The following GDF10 variants were observed in gnomAD, a reference collection of about 807,000 sequenced individuals.
GDF10 encodes the protein growth/differentiation factor 10.
In GDF10, 23 loss-of-function variants were observed where a neutral mutation model predicts 32.1. The observed-to-expected ratio is 0.72, with a 90% CI of 0.52 to 1.02. GDF10 has a LOEUF of 1.02. Ranked by LOEUF, GDF10 falls within the 50% of genes least tolerant of loss-of-function variation. The pLI, the probability that GDF10 is intolerant of heterozygous loss-of-function variation, is 0.00. For synonymous variants in GDF10, 328 were observed against 303.1 expected (o/e 1.08, Z -0.85); for missense variants, 764 against 673.9 (o/e 1.13, Z -1.48).
chr10:47,308,836 G>A (rs1292502276), intron 1 of GDF10, among the ~76,000 whole-genome samples: 2 of 152,170 alleles, frequency 1.3e-5, no homozygotes, highest in African/African-American at 4.8e-5. Context: ...AGCGGACTTG[G>A]CCATTTGAGA....
chr10:47,303,690 G>C (rs1192110370), intron 1 of GDF10, among the ~76,000 whole-genome samples: 1 of 152,092 alleles, frequency 6.6e-6, no homozygotes, highest in African/African-American at 2.4e-5. Flanking sequence ...CTATGAACCT[G>C]ACCCTAAGGG....
In GDF10 at chr10:47,310,358, C is replaced by A; in HGVS notation, c.882C>A (p.Ala294=). 1 of 1,606,872 alleles carries A rather than the reference C, an allele frequency of 6.2e-7. No homozygotes were observed. Among genetic ancestry groups the A allele is most frequent in the South Asian group, 1.1e-5 (1 of 90,448 alleles). ...ADPRVRRAAQ[A]TGPLQDNELP... Reference sequence around the variant, plus strand: ...CCCGCGTGCGCCGAGCCGCGCAGGCCACTGGGCCCCTCCAGGACAACGAGC... The same window carrying A: ...CCCGCGTGCGCCGAGCCGCGCAGGCAACTGGGCCCCTCCAGGACAACGAGC... Residue 294 remains alanine, a synonymous_variant, in exon 2 of 3, where the codon GCC becomes GCA. Coordinates refer to ENST00000580279, the MANE Select transcript of GDF10 (RefSeq NM_004962.5).
Position 47,300,223 on chromosome 10 carries a change from C to T in GDF10, c.-429C>T, listed in dbSNP as rs1193132875. ...CACACGGGCGCACGCACACGGCAGCCGGGCCAGGGACGACCCTGTCAGCTG... is the reference window on the plus strand; with the variant it reads ...CACACGGGCGCACGCACACGGCAGCTGGGCCAGGGACGACCCTGTCAGCTG... On this transcript the variant is annotated 5_prime_UTR_variant, in exon 1 of 3. Transcript: ENST00000580279. Among the ~76,000 whole-genome samples, 26 of 151,740 alleles carry T rather than the reference C, an allele frequency of 1.7e-4. 1 individual carries two copies. In the East Asian group the frequency reaches 4.5e-3, roughly 26 times the overall value.
chr10:47,300,914 G>T lies in GDF10; in HGVS notation c.263G>T (p.Arg88Leu), dbSNP rs782679712. 2 of 1,556,686 alleles carry T rather than the reference G, an allele frequency of 1.3e-6. No homozygotes were observed. The highest frequency in any genetic ancestry group is 1.4e-5 in the African/African-American group (1 of 71,570). ...HMHRLYEKYS[R>L]QGARPGGGNT... is the part of the protein sequence containing the mutation. Reference sequence around the variant, plus strand: ...CACAGGCTCTATGAGAAGTACAGCCGGCAGGGCGCGCGGCCGGGAGGGGGC... The same window carrying T: ...CACAGGCTCTATGAGAAGTACAGCCTGCAGGGCGCGCGGCCGGGAGGGGGC... The change falls in exon 1 of 3, where the codon CGG becomes CTG. Residue 88 changes from arginine to leucine, a missense_variant. Coordinates refer to ENST00000580279, the MANE Select transcript of GDF10 (RefSeq NM_004962.5).
At position 47,310,440 on chromosome 10, in the gene GDF10, C is replaced by G; in HGVS notation, c.964C>G (p.Gln322Glu). The change falls in exon 2 of 3, where the codon CAG (glutamine) becomes GAG (glutamate). Residue 322 changes from glutamine (Q) to glutamate (E), a missense_variant. By Grantham distance (29) the Gln-to-Glu change is conservative (BLOSUM62 2). Transcript: ENST00000580279. Reference protein sequence around the residue: ...RAHAQHFHKHQLWPSPFRALK... With the variant: ...RAHAQHFHKHELWPSPFRALK... ...CCACGCACAGCACTTCCACAAGCAC[C>G]AGCTGTGGCCCAGCCCCTTCCGGGC... 6.2e-7 allele frequency: 1 copy of G among 1,613,270 alleles called. No individual in the cohort carries two copies. Among genetic ancestry groups the G allele is most frequent in the South Asian group, 1.1e-5 (1 of 91,048 alleles).
rs782454884 is a variant in GDF10, at chr10:47,300,761, C to A, written c.110C>A (p.Ala37Asp). The A allele has an allele frequency of 1.3e-6, 2 of 1,569,124 alleles. No individual in the cohort carries two copies. The highest frequency in any genetic ancestry group is 2.3e-5 in the South Asian group (2 of 87,638). ...CGGGATGTGGCCGGCAGCCACAGGG[C>A]CCCCGCCTGGTCCGCACTGCCCGCG... is the stretch of plus-strand genomic sequence containing the variant. Reference protein sequence around the residue: ...LLRDVAGSHRAPAWSALPAAA... With the variant: ...LLRDVAGSHRDPAWSALPAAA... Residue 37 changes from alanine to aspartate, a missense_variant, in exon 1 of 3, where the codon GCC (alanine) becomes GAC (aspartate). Transcript: ENST00000580279.
Position 47,308,476 on chromosome 10 carries a change from A to G in GDF10, c.320-1320A>G, listed in dbSNP as rs561253483. ...TGTTTCTTCCCGCTCATAGTCCCTT[A>G]AGAGTATGTGAACAATCCCAGTTGA... On this transcript the variant is annotated intron_variant, in intron 1 of 2. Coordinates refer to ENST00000580279, the MANE Select transcript of GDF10 (RefSeq NM_004962.5). 3.3e-5 allele frequency among the ~76,000 whole-genome samples: 5 copies of G among 152,248 alleles called. No homozygotes were observed. In the East Asian group the frequency reaches 9.7e-4, roughly 29 times the overall value.
intron 1 of GDF10, among the ~76,000 whole-genome samples, chr10:47,301,930 C>T (rs1185314296): frequency 3.3e-5 from 5 of 152,102 alleles, no homozygotes; most frequent in African/African-American, 9.7e-5. Flanking sequence ...AGCCTGGGGT[C>T]AGATCTGTCA....
In GDF10 at chr10:47,300,806, G is replaced by A. The variant is rs1191897083; in HGVS notation, c.155G>A (p.Gly52Glu). The A allele has an allele frequency of 2.5e-6, 4 of 1,569,790 alleles. No homozygotes were observed. Among genetic ancestry groups the A allele is most frequent in the Non-Finnish European group, 3.4e-6 (4 of 1,163,982 alleles). Residue 52 changes from glycine to glutamate, a missense_variant, in exon 1 of 3, where the codon GGG becomes GAG. Physicochemically the swap from Gly to Glu is moderately conservative, Grantham distance 98. Transcript: ENST00000580279. ...ALPAAADGLQ[G>E]DRDLQRHPGD... is the part of the protein sequence containing the mutation. ...CCCGCGGCCGCCGACGGCCTGCAGG[G>A]GGACAGGGATCTCCAGCGGCACCCT... is the stretch of plus-strand genomic sequence containing the variant.
At chr10:47,301,270 C>T (rs1211361276) in intron 1 of GDF10, among the ~76,000 whole-genome samples, 3 of 152,184 alleles carry the variant, frequency 2.0e-5, no homozygotes, top group African/African-American at 7.2e-5. Flanking sequence ...GGGACATAGG[C>T]CAGGGGAGTA....
At position 47,312,845 on chromosome 10, in the gene GDF10, C is replaced by G. The variant is rs1023148744; in HGVS notation, c.*53C>G. 7 of 1,214,562 alleles carry G rather than the reference C, an allele frequency of 5.8e-6. No homozygotes were observed. Among genetic ancestry groups the G allele is most frequent in the African/African-American group, 3.1e-5 (2 of 64,972 alleles). The allele number at this position is 1,214,562 out of a possible 1,614,324, so 75.2% of individuals were successfully genotyped here. ...GCCCAGCAGAGCTGCCTTCTCGGAG[C>G]CTTCTGCAACCAGGACTTGTGGTGC... On this transcript the variant is annotated 3_prime_UTR_variant, in exon 3 of 3. Transcript: ENST00000580279.
chr10:47,300,717 G>A lies in GDF10; in HGVS notation c.66G>A (p.Pro22=). Residue 22 remains proline, a synonymous_variant, in exon 1 of 3, where the codon CCG becomes CCA. Transcript: ENST00000580279. ...PGPQLLLLLL[P]LFLLLLRDVA... ...CCCAGCTGCTGCTGCTGCTGCTGCCGTTGTTTCTGCTGTTGCTCCGGGATG... is the reference window on the plus strand; with the variant it reads ...CCCAGCTGCTGCTGCTGCTGCTGCCATTGTTTCTGCTGTTGCTCCGGGATG... The A allele has an allele frequency of 6.3e-7, 1 of 1,590,760 alleles. No individual in the cohort carries two copies.
chr10:47,300,504 C>T lies in GDF10; in HGVS notation c.-148C>T, dbSNP rs879967051. 29 of 670,262 alleles carry T rather than the reference C, an allele frequency of 4.3e-5. No homozygotes were observed. The highest frequency in any genetic ancestry group is 5.9e-5 in the Non-Finnish European group (25 of 426,284). The allele number at this position is 670,262 out of a possible 1,614,324, so 41.5% of individuals were successfully genotyped here. On this transcript the variant is annotated 5_prime_UTR_variant, in exon 1 of 3. Coordinates refer to ENST00000580279, the MANE Select transcript of GDF10 (RefSeq NM_004962.5). ...CGGGTGCCTGCTCCGCTAAGCCCCT[C>T]GCCCCGCGCGGACCTCGGTATCCAG...
chr10:47,300,659 A>T lies in GDF10; in HGVS notation c.8A>T (p.His3Leu), dbSNP rs1555206725. 1 of 1,596,794 alleles carries T rather than the reference A, an allele frequency of 6.3e-7. No individual in the cohort carries two copies. The highest frequency in any genetic ancestry group is 8.5e-7 in the Non-Finnish European group (1 of 1,174,102). The part of the protein sequence containing the change: MA[H>L]VPARTSPGPG... ...TGCCGCCCTCACCACGCCATGGCTC[A>T]TGTCCCCGCTCGGACCAGCCCGGGA... Residue 3 changes from histidine (H) to leucine (L), a missense_variant, in exon 1 of 3, where the codon CAT (histidine) becomes CTT (leucine). His to Leu is a moderately conservative substitution (Grantham distance 99, BLOSUM62 -3). Coordinates refer to ENST00000580279, the MANE Select transcript of GDF10 (RefSeq NM_004962.5).
At chr10:47,311,412 G>A (rs768303868) in intron 2 of GDF10, among the ~76,000 whole-genome samples, 1 of 152,176 alleles carries the variant, frequency 6.6e-6, no homozygotes. Context: ...GTCAGCCCTC[G>A]GCACTCAGCA....
chr10:47,302,182 A>G (rs2061007088), intron 1 of GDF10, among the ~76,000 whole-genome samples: 2 of 152,258 alleles, frequency 1.3e-5, no homozygotes, highest in Non-Finnish European at 2.9e-5. Flanking sequence ...TGGCATGAAC[A>G]TGACCTTGGG....
intron 1 of GDF10, among the ~76,000 whole-genome samples, chr10:47,309,408 C>T (rs2061034508): frequency 6.6e-6 from 1 of 152,208 alleles, no homozygotes; most frequent in Non-Finnish European, 1.5e-5. Context: ...ATCCTGAGCA[C>T]TTAATGAAGG....
intron 1 of GDF10, among the ~76,000 whole-genome samples, chr10:47,302,188 T>C (rs1239937105): frequency 6.6e-5 from 10 of 152,260 alleles, no homozygotes; most frequent in African/African-American, 2.4e-4. Flanking sequence ...GAACATGACC[T>C]TGGGTAAATC....
In GDF10 at chr10:47,300,681, G is replaced by C. The variant is rs782790604; in HGVS notation, c.30G>C (p.Pro10=). The C allele has an allele frequency of 1.9e-6, 3 of 1,603,680 alleles. No individual in the cohort carries two copies. The highest frequency in any genetic ancestry group is 2.5e-6 in the Non-Finnish European group (3 of 1,176,882). Reference sequence around the variant, plus strand: ...CTCATGTCCCCGCTCGGACCAGCCCGGGACCCGGGCCCCAGCTGCTGCTGC... The same window carrying C: ...CTCATGTCCCCGCTCGGACCAGCCCCGGACCCGGGCCCCAGCTGCTGCTGC... MAHVPARTS[P]GPGPQLLLLL... is the part of the protein sequence containing the mutation. Residue 10 remains proline (P), a synonymous_variant, in exon 1 of 3, where the codon CCG becomes CCC. Transcript: ENST00000580279.
Sources: gnomAD v4.1 joint callset for allele counts (sites outside exome capture counted in the v4.1 genomes callset) on GRCh38, gnomAD v4.1.1 for gene constraint, MANE v1.5 for transcripts, NCBI Gene and HGNC (gene_info 2026-07-23, HGNC 2026-07-21) for gene names.